Variants in NBPF15 observed in about 807,000 individuals in gnomAD.
The protein encoded by NBPF15 is NBPF member 15.
Under a neutral mutation model 62.2 loss-of-function variants are expected in NBPF15, and 74 were observed. That is an observed-to-expected ratio of 1.19 (90% CI 0.99 to 1.44). The LOEUF is 1.44. Among genes scored for constraint, NBPF15 ranks in the 40% most tolerant of loss-of-function variants. The pLI is 0.00. For synonymous variants in NBPF15, 244 were observed against 209.7 expected (o/e 1.16, Z -1.41); for missense variants, 790 against 550.0 (o/e 1.44, Z -4.36).
chr1:144,445,174 CTATT>C (rs1412233066), intron 6 of NBPF15, among the ~76,000 whole-genome samples: 8 of 150,002 alleles, frequency 5.3e-5, no homozygotes, highest in African/African-American at 2.0e-4. Context: ...TCTGAAGTAT[CTATT>C]CAAGTCTTTT....
chr1:144,429,481 G>A (rs1473028702), intron 14 of NBPF15, among the ~76,000 whole-genome samples: 24 of 150,294 alleles, frequency 1.6e-4, no homozygotes, highest in Non-Finnish European at 3.1e-4. Flanking sequence ...AGGTTGGCAC[G>A]GGCATGGCCT....
intron 4 of NBPF15, among the ~76,000 whole-genome samples, chr1:144,454,096 AG>A (rs1351169288): frequency 4.7e-5 from 6 of 128,790 alleles, no homozygotes; most frequent in African/African-American, 1.8e-4. Flanking sequence ...AGGAACTTAA[AG>A]TACATAATGC....
Position 144,427,925 on chromosome 1 carries a change from T to G in NBPF15, c.1106A>C (p.Tyr369Ser). Residue 369 changes from tyrosine (Y) to serine (S), a missense_variant, in exon 16 of 22, where the codon TAT (tyrosine) becomes TCT (serine). Tyr to Ser is a moderately radical substitution (Grantham distance 144). Transcript: ENST00000581897. ...EVLQDSLDRC[Y>S]STPSGCLELT... Reference sequence around the variant, plus strand: ...TTCAAGACAACCTGAAGGAGTTGAATAACATCTATCCAGTGAGTCCTGCAA... The same window carrying G: ...TTCAAGACAACCTGAAGGAGTTGAAGAACATCTATCCAGTGAGTCCTGCAA... The G allele has an allele frequency of 4.0e-6, 3 of 747,208 alleles. No individual in the cohort carries two copies. Among genetic ancestry groups the G allele is most frequent in the Non-Finnish European group, 7.4e-6 (3 of 405,050 alleles). 46.3% of individuals were successfully genotyped at this position (747,208 alleles called of 1,614,324 possible). A position where few individuals can be genotyped will look rare whatever the true frequency, so the allele number is the denominator to read the frequency against.
rs1553539115 is a variant in NBPF15, at chr1:144,425,559, T to G, written c.1448A>C (p.Lys483Thr). 1.8e-6 allele frequency: 1 copy of G among 563,812 alleles called. No individual in the cohort carries two copies. The highest frequency in any genetic ancestry group is 3.1e-6 in the Non-Finnish European group (1 of 318,356). The allele number at this position is 563,812 out of a possible 1,614,324, so 34.9% of individuals were successfully genotyped here. Reference protein sequence around the residue: ...GLALDVDRIKKDQEEEEDQGP... With the variant: ...GLALDVDRIKTDQEEEEDQGP... Reference sequence around the variant, plus strand: ...TTGGTCTTCTTCCTCTTCTTGGTCCTTTTTAATTCCTGCAATACATTCAGA... The same window carrying G: ...TTGGTCTTCTTCCTCTTCTTGGTCCGTTTTAATTCCTGCAATACATTCAGA... Residue 483 changes from lysine to threonine, a missense_variant, in exon 19 of 22, where the codon AAG (lysine) becomes ACG (threonine). Physicochemically the swap from Lys to Thr is moderately conservative, Grantham distance 78. Transcript: ENST00000581897.
In NBPF15 at chr1:144,427,851, G is replaced by T; in HGVS notation, c.1180C>A (p.Gln394Lys). ...PYRSAFYVLE[Q>K]QRVGLAIDMD... ...TCAATAGCCAAGCCAACACGCTGTTGCTCCAATACGTAAAAGGCACTTCTG... is the reference window on the plus strand; with the variant it reads ...TCAATAGCCAAGCCAACACGCTGTTTCTCCAATACGTAAAAGGCACTTCTG... The change falls in exon 16 of 22, where the codon CAA becomes AAA. Residue 394 changes from glutamine to lysine, a missense_variant. By Grantham distance (53) the Gln-to-Lys change is moderately conservative. Coordinates refer to ENST00000581897, the MANE Select transcript of NBPF15 (RefSeq NM_001385408.1). 4.1e-6 allele frequency: 3 copies of T among 724,096 alleles called. No homozygotes were observed. Among genetic ancestry groups the T allele is most frequent in the Non-Finnish European group, 7.6e-6 (3 of 395,826 alleles). 44.9% of individuals were successfully genotyped at this position (724,096 alleles called of 1,614,324 possible). A position where few individuals can be genotyped will look rare whatever the true frequency, so the allele number is the denominator to read the frequency against.
chr1:144,427,696 G>A (rs1353877135), intron 16 of NBPF15, 122 bp downstream of exon 16: 4 of 620,960 alleles, frequency 6.4e-6, no homozygotes, highest in Non-Finnish European at 1.1e-5. Context: ...ACCTACATGT[G>A]CCTATAGGTC....
rs868962964 is a variant in NBPF15 at position 144,440,662 on chromosome 1, T to G, written c.-190-367A>C. On this transcript the variant is annotated intron_variant, in intron 6 of 21. Coordinates refer to ENST00000581897, the MANE Select transcript of NBPF15 (RefSeq NM_001385408.1). ...CTTGTTTTGACTTTTTTTTTTTTTT[T>G]TTTTGTTTGAGACAGAGTCTCACTC... 905 of 158,516 alleles carry G rather than the reference T, an allele frequency of 5.7e-3. 15 individuals carry two copies. Among genetic ancestry groups the G allele is most frequent in the African/African-American group, 0.022 (835 of 37,820 alleles). 9.8% of individuals were successfully genotyped at this position (158,516 alleles called of 1,614,324 possible).
chr1:144,449,461 G>A (rs1390723480), intron 5 of NBPF15, among the ~76,000 whole-genome samples: 1 of 149,374 alleles, frequency 6.7e-6, no homozygotes, highest in Non-Finnish European at 1.5e-5. Context: ...TACAAGAATG[G>A]ATCAATAAAC....
rs587717037 is a variant in NBPF15, at chr1:144,441,841, A to C, written c.-190-1546T>G. ...TAAAACAACAAATATTATTTCACTCAAAATTGTTTTACTTAAAAGTCTTTC... is the reference window on the plus strand; with the variant it reads ...TAAAACAACAAATATTATTTCACTCCAAATTGTTTTACTTAAAAGTCTTTC... On this transcript the variant is annotated intron_variant, in intron 6 of 21. Transcript: ENST00000581897. 6.0e-3 allele frequency among the ~76,000 whole-genome samples: 902 copies of C among 150,422 alleles called. 12 individuals are homozygous for C. The highest frequency in any genetic ancestry group is 0.026 in the South Asian group (126 of 4,768).
chr1:144,437,505 G>C (rs371009247), intron 9 of NBPF15, among the ~76,000 whole-genome samples: 8 of 145,826 alleles, frequency 5.5e-5, no homozygotes, highest in South Asian at 2.3e-4. Context: ...GTGCAGATGG[G>C]GTGAATTGAA....
At chr1:144,442,603 T>G (rs1571143562) in intron 6 of NBPF15, 1 of 152,750 alleles carries the variant, frequency 6.5e-6, no homozygotes, top group African/African-American at 2.4e-5. Context: ...GGTGGACACC[T>G]CCATCTACAG....
chr1:144,458,994 C>T (rs1276959306), intron 3 of NBPF15, among the ~76,000 whole-genome samples: 2 of 150,958 alleles, frequency 1.3e-5, no homozygotes, highest in African/African-American at 2.4e-5. Flanking sequence ...GAGCTGAGAT[C>T]CTGCCACGGC....
rs1247451831 is a variant in NBPF15, at chr1:144,436,920, C to T, written c.468G>A (p.Gln156=). The T allele has an allele frequency of 9.9e-6, 16 of 1,612,204 alleles. No individual in the cohort carries two copies. The highest frequency in any genetic ancestry group is 4.5e-5 in the East Asian group (2 of 44,858). ...EQLAEGCRLT[Q]HLVQKLSPEN... ...CTGGGCTGAGCTTTTGGACAAGGTG[C>T]TGTGTCAGTCTACACCCCTCAGCCA... The change falls in exon 10 of 22, where the codon CAG becomes CAA. Residue 156 remains glutamine (Q), a synonymous_variant. Transcript: ENST00000581897.
At position 144,456,626 on chromosome 1, in the gene NBPF15, G is replaced by A. The variant is rs1217490151; in HGVS notation, c.-521C>T. 8.0e-5 allele frequency: 120 copies of A among 1,495,584 alleles called. 4 individuals carry two copies. The highest frequency in any genetic ancestry group is 2.6e-4 in the South Asian group (20 of 77,256). The allele number at this position is 1,495,584 out of a possible 1,614,324, so 92.6% of individuals were successfully genotyped here. A position where few individuals can be genotyped will look rare whatever the true frequency, so the allele number is the denominator to read the frequency against. ...GGGGAAGTTTCTACATCAGTACCTC[G>A]GAGAGTCCACTGGAAGCCCTGGACA... On this transcript the variant is annotated 5_prime_UTR_variant, in exon 4 of 22. The change creates a premature stop within an existing upstream ORF in the 5' untranslated region. Transcript: ENST00000581897.
rs1412053920 is a variant in NBPF15 at position 144,422,840 on chromosome 1, C to T, written c.*173G>A. The T allele has an allele frequency of 1.3e-6, 2 of 1,518,570 alleles. No homozygotes were observed. Among genetic ancestry groups the T allele is most frequent in the African/African-American group, 1.4e-5 (1 of 72,638 alleles). 94.1% of individuals were successfully genotyped at this position (1,518,570 alleles called of 1,614,324 possible). On this transcript the variant is annotated 3_prime_UTR_variant, in exon 22 of 22. Transcript: ENST00000581897. ...GTCACACCTAACATGGGTCCATTGTCTTCAGATTGAGCACAGGTTGCCAAT... is the reference window on the plus strand; with the variant it reads ...GTCACACCTAACATGGGTCCATTGTTTTCAGATTGAGCACAGGTTGCCAAT...
intron 6 of NBPF15, among the ~76,000 whole-genome samples, chr1:144,440,844 T>G (rs1159641044): frequency 6.6e-6 from 1 of 151,064 alleles, no homozygotes; most frequent in Non-Finnish European, 1.5e-5. Flanking sequence ...TTTTTTTTTG[T>G]ATTTTTAGTA....
chr1:144,455,037 G>A (rs1693517911), intron 4 of NBPF15, among the ~76,000 whole-genome samples: 1 of 143,430 alleles, frequency 7.0e-6, no homozygotes, highest in Non-Finnish European at 1.5e-5. Context: ...GAGAGACAAA[G>A]AAAAAGAAAA....
rs1194499439 is a variant in NBPF15 at position 144,427,939 on chromosome 1, T to G, written c.1092A>C (p.Ser364=). The change falls in exon 16 of 22, where the codon TCA becomes TCC. Residue 364 remains serine, a synonymous_variant. Coordinates refer to ENST00000581897, the MANE Select transcript of NBPF15 (RefSeq NM_001385408.1). ...AAGGAGTTGAATAACATCTATCCAG[T>G]GAGTCCTGCAAGACTTCAGGCTCTT... ...DEKEPEVLQD[S]LDRCYSTPSG... is the part of the protein sequence containing the mutation. 3.9e-6 allele frequency: 3 copies of G among 770,836 alleles called. No individual in the cohort carries two copies. The highest frequency in any genetic ancestry group is 3.6e-4 in the Middle Eastern group (1 of 2,786). The allele number at this position is 770,836 out of a possible 1,614,324, so 47.7% of individuals were successfully genotyped here. A position where few individuals can be genotyped will look rare whatever the true frequency, so the allele number is the denominator to read the frequency against.
At chr1:144,428,090 A>G (rs1316194069) in intron 15 of NBPF15, 100 bp from the exon 16 acceptor site, 9 of 738,422 alleles carry the variant, frequency 1.2e-5, no homozygotes, top group African/African-American at 5.2e-5. Flanking sequence ...GTTTGAAAAG[A>G]AAAAGGACAG....
Sources: gnomAD v4.1 joint callset for allele counts (sites outside exome capture counted in the v4.1 genomes callset) on GRCh38, gnomAD v4.1.1 for gene constraint, MANE v1.5 for transcripts, NCBI Gene and HGNC (gene_info 2026-07-23, HGNC 2026-07-21) for gene names.